The following AOPEP variants were observed in gnomAD, a reference collection of about 807,000 sequenced individuals.
The protein encoded by AOPEP is aminopeptidase O (putative), also known as aminopeptidase O.
Under a neutral mutation model 98.1 loss-of-function variants are expected in AOPEP, and 77 were observed. That is an observed-to-expected ratio of 0.78 (90% confidence interval 0.65 to 0.95). AOPEP has a LOEUF of 0.95. Ranked by LOEUF, AOPEP falls within the 40% of genes least tolerant of loss-of-function variation. The pLI is 0.00. For missense variants in AOPEP, 1,024 were observed against 1,024.7 expected, an observed-to-expected ratio of 1.00 and a Z score of 0.01; for synonymous variants, 346 against 365.3, an observed-to-expected ratio of 0.95 and a Z score of 0.60.
chr9:95,126,619 C>T, the AOPEP span: 2 of 1,603,670 alleles, frequency 1.2e-6, no homozygotes, highest in South Asian at 2.2e-5. Flanking sequence ...TGAAATATCA[C>T]AAGCACTTTC....
intron 13 of AOPEP, among the ~76,000 whole-genome samples, chr9:95,016,418 T>A (rs1306361177): frequency 6.6e-6 from 1 of 151,348 alleles, no homozygotes; most frequent in Admixed American, 6.6e-5. Flanking sequence ...TAATTTTTGT[T>A]TTTTAGTAGA....
chr9:95,137,869 C>T, the AOPEP span, among the ~76,000 whole-genome samples: 2 of 152,192 alleles, frequency 1.3e-5, no homozygotes, highest in Non-Finnish European at 1.5e-5. Flanking sequence ...CTGAGTGTGC[C>T]GGGCAGGCCC....
At chr9:94,788,258 T>G (rs1419328909) in intron 3 of AOPEP, among the ~76,000 whole-genome samples, 1 of 152,024 alleles carries the variant, frequency 6.6e-6, no homozygotes, top group African/African-American at 2.4e-5. Flanking sequence ...AAATTTTTTT[T>G]TGTAGAGATG....
chr9:94,875,710 G>C (rs530001494), intron 5 of AOPEP, among the ~76,000 whole-genome samples: 1 of 152,302 alleles, frequency 6.6e-6, no homozygotes. Context: ...TGCTTTCTCA[G>C]GCTAAATTTT....
chr9:94,802,700 G>A (rs906583087), intron 5 of AOPEP, among the ~76,000 whole-genome samples: 1 of 152,206 alleles, frequency 6.6e-6, no homozygotes, highest in Admixed American at 6.5e-5. Flanking sequence ...CTTAAAAGCA[G>A]GAGAACCGTA....
the AOPEP span, chr9:95,101,615 T>G: frequency 3.4e-5 from 52 of 1,522,116 alleles, no homozygotes; most frequent in Admixed American, 9.0e-4. Flanking sequence ...GGGCACTTAC[T>G]CCACAAATGC....
chr9:95,082,558 G>T lies in AOPEP; in HGVS notation c.2320-17G>T. ...CCACACCTTCGCCTGATGCCCTTTG[G>T]CCTCTGTGCCCTGCAGGCCATGGGT... On this transcript the variant is annotated splice_polypyrimidine_tract_variant and intron_variant, in intron 15 of 16. Coordinates refer to ENST00000375315, the MANE Select transcript of AOPEP (RefSeq NM_001193329.3). 1 of 1,613,480 alleles carries T rather than the reference G, an allele frequency of 6.2e-7. No homozygotes were observed. The highest frequency in any genetic ancestry group is 2.2e-5 in the East Asian group (1 of 44,870).
At chr9:95,039,156 T>TTAACAA (rs2065079015) in intron 13 of AOPEP, among the ~76,000 whole-genome samples, 1 of 152,146 alleles carries the variant, frequency 6.6e-6, no homozygotes, top group African/African-American at 2.4e-5. Flanking sequence ...TAACATGGGA[T>TTAACAA]CGGCCCATGC....
chr9:94,928,558 C>T (rs2054754749), intron 7 of AOPEP, 27 bp downstream of exon 7: 1 of 1,456,698 alleles, frequency 6.9e-7, no homozygotes, highest in South Asian at 1.2e-5. Context: ...ATCCACAGCC[C>T]TCTCATTCCC....
At chr9:94,869,971 ATTTTTTTTTTTTTTTTTTT>A (rs10556167) in intron 5 of AOPEP, among the ~76,000 whole-genome samples, 1 of 93,554 alleles carries the variant, frequency 1.1e-5, no homozygotes, top group South Asian at 3.8e-4. Context: ...GAAGCCATGA[ATTTTTTTTTTTTTTTTTTT>A]TTTTTTTTTT....
chr9:94,741,295 T>C (rs943836266), intron 1 of AOPEP, among the ~76,000 whole-genome samples: 1 of 151,970 alleles, frequency 6.6e-6, no homozygotes, highest in Admixed American at 6.6e-5. Context: ...TTTTTTGAGA[T>C]GGAGTCTTGC....
chr9:95,100,970 T>C, the AOPEP span: 1 of 232,850 alleles, frequency 4.3e-6, no homozygotes, highest in Non-Finnish European at 8.5e-6. Flanking sequence ...CCCATTTCCA[T>C]TTAACAAGAG....
chr9:95,058,513 C>T (rs2133891128), intron 13 of AOPEP, among the ~76,000 whole-genome samples: 1 of 152,294 alleles, frequency 6.6e-6, no homozygotes, highest in East Asian at 1.9e-4. Context: ...TGAGGCTGAG[C>T]CCATTCCCCA....
chr9:94,957,816 G>A (rs1392881180), intron 9 of AOPEP, among the ~76,000 whole-genome samples: 1 of 152,012 alleles, frequency 6.6e-6, no homozygotes, highest in Non-Finnish European at 1.5e-5. Context: ...GAGAACTTTT[G>A]TGTCTAGCTT....
At position 94,928,479 on chromosome 9, in the gene AOPEP, C is replaced by A. The variant is rs1019446111; in HGVS notation, c.1609C>A (p.Arg537Ser). 1 of 1,550,426 alleles carries A rather than the reference C, an allele frequency of 6.4e-7. No homozygotes were observed. The highest frequency in any genetic ancestry group is 8.7e-7 in the Non-Finnish European group (1 of 1,147,022). The part of the protein sequence containing the change: ...QQELRACLRW[R>S]RLQDEMQCSP... ...GGAGCTGAGGGCTTGTCTGCGCTGGCGTCGCCTCCAGGACGAGATGCAATG... is the reference window on the plus strand; with the variant it reads ...GGAGCTGAGGGCTTGTCTGCGCTGGAGTCGCCTCCAGGACGAGATGCAATG... Residue 537 changes from arginine to serine, a missense_variant, in exon 7 of 17, where the codon CGT becomes AGT. Around this residue, in one of 3 missense-constraint regions of AOPEP, gnomAD observed 566 missense variants for 551.7 expected, o/e 1.03. Transcript: ENST00000375315.
intron 1 of AOPEP, among the ~76,000 whole-genome samples, chr9:94,743,568 AG>A (rs1833759332): frequency 6.6e-6 from 1 of 152,212 alleles, no homozygotes; most frequent in Admixed American, 6.5e-5. Flanking sequence ...GAGCCCAGCA[AG>A]GGAAAGCACA....
intron 5 of AOPEP, among the ~76,000 whole-genome samples, chr9:94,893,441 G>A (rs1429473379): frequency 1.3e-5 from 2 of 152,134 alleles, no homozygotes; most frequent in East Asian, 3.9e-4. Context: ...GTCCAGACTC[G>A]AGCCTGAAAA....
intron 7 of AOPEP, among the ~76,000 whole-genome samples, chr9:94,939,445 C>G (rs1016195429): frequency 1.3e-5 from 2 of 152,134 alleles, no homozygotes; most frequent in African/African-American, 4.8e-5. Context: ...GTTAGGGAGG[C>G]ATCATCTGAG....
chr9:95,050,733 A>G (rs1397457984), intron 13 of AOPEP, among the ~76,000 whole-genome samples: 4 of 152,214 alleles, frequency 2.6e-5, no homozygotes, highest in African/African-American at 9.7e-5. Context: ...TGTGGCTAAA[A>G]TTTATGCTTA....
Sources: gnomAD v4.1 joint callset for allele counts (sites outside exome capture counted in the v4.1 genomes callset) on GRCh38, gnomAD v4.1.1 for gene constraint, gnomAD v4.1.1 regional missense constraint, MANE v1.5 for transcripts, NCBI Gene and HGNC (gene_info 2026-07-23, HGNC 2026-07-21) for gene names.